CRYBG1: variants seen among roughly 807,000 people sequenced by gnomAD.
The protein encoded by CRYBG1 is crystallin beta-gamma domain containing 1, also known as beta/gamma crystallin domain-containing protein 1.
A neutral mutation model predicts 189.2 loss-of-function variants in CRYBG1; 139 were observed. The ratio of observed to expected loss-of-function variants is 0.73; its 90% CI spans 0.64 to 0.85. The LOEUF is 0.85. Ranked by LOEUF, CRYBG1 falls within the 40% of genes least tolerant of loss-of-function variation. The pLI, the probability that CRYBG1 is intolerant of heterozygous loss-of-function variation, is 0.00. For missense variants in CRYBG1, 2,611 were observed against 2,675.8 expected (o/e 0.98, Z 0.53); for synonymous variants, 1,023 against 1,017.1 (o/e 1.01, Z -0.11).
chr6:106,552,076 A>G (rs1774417015), intron 14 of CRYBG1, 98 bp downstream of exon 14: 1 of 1,453,438 alleles, frequency 6.9e-7, no homozygotes, highest in Non-Finnish European at 9.5e-7. Flanking sequence ...TATGGAAAAT[A>G]TTCTGAGTTT....
intron 17 of CRYBG1, among the ~76,000 whole-genome samples, chr6:106,556,734 C>A (rs1774557337): frequency 6.6e-6 from 1 of 152,110 alleles, no homozygotes. Context: ...CGTAATTGCT[C>A]ATTTTAGTTT....
intron 1 of CRYBG1, among the ~76,000 whole-genome samples, chr6:106,401,140 T>A (rs1057430286): frequency 2.6e-5 from 4 of 152,214 alleles, no homozygotes; most frequent in African/African-American, 9.7e-5. Context: ...TTGTCATTCT[T>A]CTTGATACTA....
chr6:106,509,766 A>C (rs1773207395), intron 2 of CRYBG1, among the ~76,000 whole-genome samples: 1 of 152,078 alleles, frequency 6.6e-6, no homozygotes, highest in Admixed American at 6.6e-5. Flanking sequence ...TGGGGTGGGC[A>C]GGAGGCGACT....
At chr6:106,458,585 T>C (rs779370106) in intron 2 of CRYBG1, among the ~76,000 whole-genome samples, 1 of 152,158 alleles carries the variant, frequency 6.6e-6, no homozygotes, top group Non-Finnish European at 1.5e-5. Flanking sequence ...ATGAATGAAA[T>C]GCATATATTC....
chr6:106,399,638 CT>C (rs967680147), intron 1 of CRYBG1, among the ~76,000 whole-genome samples: 80 of 147,244 alleles, frequency 5.4e-4, no homozygotes, highest in Middle Eastern at 3.5e-3. Context: ...CCGATCGGTC[CT>C]TTTTTTTAGT....
intron 1 of CRYBG1, among the ~76,000 whole-genome samples, chr6:106,372,672 G>A (rs1000311264): frequency 6.6e-6 from 1 of 152,190 alleles, no homozygotes. Flanking sequence ...TGAAGGGAAA[G>A]GATTCTTTTT....
intron 8 of CRYBG1, among the ~76,000 whole-genome samples, chr6:106,537,431 T>G (rs1331187089): frequency 6.6e-6 from 1 of 152,208 alleles, no homozygotes; most frequent in African/African-American, 2.4e-5. Flanking sequence ...TGTGATAGCT[T>G]TGAGCTCCAA....
At chr6:106,448,107 C>A (rs1474428216) in intron 1 of CRYBG1, among the ~76,000 whole-genome samples, 3 of 152,142 alleles carry the variant, frequency 2.0e-5, no homozygotes, top group African/African-American at 7.2e-5. Flanking sequence ...AAGAAGCTGC[C>A]CTGAAGCAGA....
chr6:106,523,591 T>G (rs1773658897), intron 4 of CRYBG1, among the ~76,000 whole-genome samples: 1 of 152,192 alleles, frequency 6.6e-6, no homozygotes, highest in Non-Finnish European at 1.5e-5. Flanking sequence ...TGATTGTATA[T>G]TCAATCATGA....
At chr6:106,405,206 G>A (rs1770798408) in intron 1 of CRYBG1, among the ~76,000 whole-genome samples, 2 of 152,308 alleles carry the variant, frequency 1.3e-5, no homozygotes, top group Middle Eastern at 6.8e-3. Flanking sequence ...GGGTAGGGGC[G>A]TCCACCATTG....
intron 2 of CRYBG1, among the ~76,000 whole-genome samples, chr6:106,489,787 C>CAAAAA (rs10593320): frequency 2.3e-4 from 19 of 81,470 alleles, no homozygotes; most frequent in Admixed American, 4.0e-4. Flanking sequence ...ACTCTGTGTC[C>CAAAAA]AAAAAAAAAA....
chr6:106,505,735 T>A (rs1018012295), intron 2 of CRYBG1, among the ~76,000 whole-genome samples: 7 of 151,618 alleles, frequency 4.6e-5, no homozygotes, highest in Non-Finnish European at 8.8e-5. Flanking sequence ...TTTTTTTTTT[T>A]ACAAAAAAAC....
chr6:106,525,589 A>G (rs1218218691), intron 6 of CRYBG1, among the ~76,000 whole-genome samples: 1 of 152,230 alleles, frequency 6.6e-6, no homozygotes, highest in Non-Finnish European at 1.5e-5. Context: ...ATATATGTTT[A>G]TGGGAGAAAA....
chr6:106,488,022 T>C (rs2114488927), intron 2 of CRYBG1, among the ~76,000 whole-genome samples: 1 of 152,310 alleles, frequency 6.6e-6, no homozygotes, highest in South Asian at 2.1e-4. Context: ...TTGACTTTGG[T>C]TCTGGGTGAG....
chr6:106,392,820 G>A (rs1196078289), intron 1 of CRYBG1, among the ~76,000 whole-genome samples: 2 of 152,114 alleles, frequency 1.3e-5, no homozygotes, highest in East Asian at 3.9e-4. Context: ...GGCTGGAGTG[G>A]CTGGAGTGCA....
chr6:106,522,141 A>G (rs138544205), intron 4 of CRYBG1, among the ~76,000 whole-genome samples: 1 of 152,348 alleles, frequency 6.6e-6, no homozygotes, highest in East Asian at 1.9e-4. Flanking sequence ...TACCTATTCT[A>G]TGTAAAAATG....
chr6:106,532,718 G>A (rs1773905586), intron 8 of CRYBG1, among the ~76,000 whole-genome samples: 1 of 152,044 alleles, frequency 6.6e-6, no homozygotes, highest in Non-Finnish European at 1.5e-5. Context: ...TTAAATAAAT[G>A]TACTGTTTTT....
At chr6:106,399,347 T>C (rs1195018416) in intron 1 of CRYBG1, among the ~76,000 whole-genome samples, 3 of 152,252 alleles carry the variant, frequency 2.0e-5, no homozygotes, top group East Asian at 3.8e-4. Context: ...TATCTCATGC[T>C]TTAGTTTGCC....
At chr6:106,367,459 C>T (rs942991811) in intron 1 of CRYBG1, among the ~76,000 whole-genome samples, 23 of 151,708 alleles carry the variant, frequency 1.5e-4, no homozygotes, top group African/African-American at 4.8e-4. Flanking sequence ...TGGTGGCATA[C>T]GCCTGTAATC....
Sources: gnomAD v4.1 joint callset for allele counts (sites outside exome capture counted in the v4.1 genomes callset) on GRCh38, gnomAD v4.1.1 for gene constraint, MANE v1.5 for transcripts, NCBI Gene and HGNC (gene_info 2026-07-23, HGNC 2026-07-21) for gene names.